The following H6PD variants were observed in gnomAD, a reference collection of about 807,000 sequenced individuals.
The protein encoded by H6PD is hexose-6-phosphate dehydrogenase/glucose 1-dehydrogenase.
Under a neutral mutation model 61.2 loss-of-function variants are expected in H6PD, and 48 were observed. The ratio of observed to expected loss-of-function variants is 0.78; its 90% CI spans 0.62 to 1.00. The LOEUF (loss-of-function observed/expected upper bound fraction) is 1.00. Ranked by LOEUF, H6PD falls within the 50% of genes least tolerant of loss-of-function variation. The pLI is 0.00. For synonymous variants in H6PD, 480 were observed against 457.9 expected (o/e 1.05, Z -0.62); for missense variants, 1,093 against 1,065.0 (o/e 1.03, Z -0.37).
At position 9,239,897 on chromosome 1, in the gene H6PD, G is replaced by A. The variant is rs543161528; in HGVS notation, c.-11+4831G>A. 1.5e-5 allele frequency: 12 copies of A among 787,788 alleles called. No homozygotes were observed. In the East Asian group the frequency reaches 2.0e-4, roughly 13 times the overall value. 48.8% of individuals were successfully genotyped at this position (787,788 alleles called of 1,614,324 possible). A position where few individuals can be genotyped will look rare whatever the true frequency, so the allele number is the denominator to read the frequency against. On this transcript the variant is annotated intron_variant, in intron 1 of 4. Transcript: ENST00000377403. The stretch of plus-strand genomic sequence containing the variant: ...CAGCACAGGCTGGGTCTGCTGTGCC[G>A]GGTCTGTATGGGGACAGCTGCACGC...
intron 4 of H6PD, among the ~76,000 whole-genome samples, chr1:9,262,943 T>C (rs1240246188): frequency 1.3e-5 from 2 of 152,192 alleles, no homozygotes; most frequent in Non-Finnish European, 2.9e-5. Flanking sequence ...GTCGTCAGAA[T>C]GAACCAGGCT....
In H6PD at chr1:9,263,829, T is replaced by G. The variant is rs773962051; in HGVS notation, c.1336T>G (p.Tyr446Asp). ...CCTTTTCGGCAGCCCTCTGTCCGAT[T>G]ACTACGCCTACAGCCCTGTGCGGGA... is the stretch of plus-strand genomic sequence containing the variant. ...LRLFGSPLSD[Y>D]YAYSPVRERD... The change falls in exon 5 of 5, where the codon TAC becomes GAC. Residue 446 changes from tyrosine (Y) to aspartate (D), a missense_variant. By Grantham distance (160) the Tyr-to-Asp change is radical. Coordinates refer to ENST00000377403, the MANE Select transcript of H6PD (RefSeq NM_004285.4). 1 of 1,613,964 alleles carries G rather than the reference T, an allele frequency of 6.2e-7. No homozygotes were observed.
Position 9,265,208 on chromosome 1 carries a change from CAAG to C in H6PD, c.*341_*343del. ...GATGGCGCCCAAACTCCGGCGTTCA[CAAG>C]AGGAGACGTGACGTGGTGGGCTGAG... On this transcript the variant is annotated 3_prime_UTR_variant, in exon 5 of 5. Transcript: ENST00000377403. The C allele has an allele frequency of 2.4e-6, 1 of 415,682 alleles. No homozygotes were observed. Among genetic ancestry groups the C allele is most frequent in the South Asian group, 2.1e-5 (1 of 46,674 alleles). The allele number at this position is 415,682 out of a possible 1,614,324, so 25.7% of individuals were successfully genotyped here.
intron 1 of H6PD, chr1:9,242,712 C>T (rs899320269): frequency 2.1e-5 from 21 of 985,352 alleles, no homozygotes; most frequent in Non-Finnish European, 2.5e-5. Flanking sequence ...GGCTTAGCTC[C>T]TCCCTTTGTA....
In H6PD at chr1:9,262,213, G is replaced by A. The variant is rs750439880; in HGVS notation, c.900G>A (p.Leu300=). 7 of 1,614,066 alleles carry A rather than the reference G, an allele frequency of 4.3e-6. No individual in the cohort carries two copies. The highest frequency in any genetic ancestry group is 5.9e-6 in the Non-Finnish European group (7 of 1,179,950). ...ACAAGCTTCAGGTCTTCCAGGCGCTGCGGGGCCTGCAGAGGGGCAGTGCCG... is the reference window on the plus strand; with the variant it reads ...ACAAGCTTCAGGTCTTCCAGGCGCTACGGGGCCTGCAGAGGGGCAGTGCCG... The part of the protein sequence containing the change: ...LRHKLQVFQA[L]RGLQRGSAVV... The change falls in exon 4 of 5, where the codon CTG becomes CTA. Residue 300 remains leucine (L), a synonymous_variant. Coordinates refer to ENST00000377403, the MANE Select transcript of H6PD (RefSeq NM_004285.4).
chr1:9,264,726 C>T lies in H6PD; in HGVS notation c.2233C>T (p.Leu745=). 1.9e-6 allele frequency: 3 copies of T among 1,613,332 alleles called. No individual in the cohort carries two copies. Among genetic ancestry groups the T allele is most frequent in the Non-Finnish European group, 2.5e-6 (3 of 1,180,022 alleles). Residue 745 remains leucine (L), a synonymous_variant, in exon 5 of 5, where the codon CTG becomes TTG. Transcript: ENST00000377403. ...LINRAKKVAV[L]VMGRMKREIT... ...CAACCGCGCCAAGAAGGTGGCAGTCCTGGTCATGGGCAGGATGAAGCGTGA... is the reference window on the plus strand; with the variant it reads ...CAACCGCGCCAAGAAGGTGGCAGTCTTGGTCATGGGCAGGATGAAGCGTGA...
intron 3 of H6PD, among the ~76,000 whole-genome samples, chr1:9,260,394 C>T (rs1641685144): frequency 1.3e-5 from 2 of 150,828 alleles, no homozygotes; most frequent in Non-Finnish European, 3.0e-5. Flanking sequence ...TGTTATGTTG[C>T]TGTTGTTACG....
At chr1:9,251,454 T>C (rs1194491181) in intron 3 of H6PD, among the ~76,000 whole-genome samples, 1 of 151,478 alleles carries the variant, frequency 6.6e-6, no homozygotes, top group Non-Finnish European at 1.5e-5. Flanking sequence ...GTTGTTGTTG[T>C]TGTTGTTGTT....
intron 3 of H6PD, among the ~76,000 whole-genome samples, 163 bp downstream of exon 3, chr1:9,247,246 G>A (rs1052603315): frequency 0.056 from 3 of 54 alleles, no homozygotes; most frequent in Middle Eastern, 0.5. Flanking sequence ...CCAGGGTGCC[G>A]GCTGCAAAGC....
At chr1:9,259,468 T>C (rs1557746804) in intron 3 of H6PD, among the ~76,000 whole-genome samples, 1 of 152,320 alleles carries the variant, frequency 6.6e-6, no homozygotes, top group South Asian at 2.1e-4. Flanking sequence ...TGTTATGTTG[T>C]TATGCTGGTG....
At chr1:9,255,480 C>T (rs1442365309) in intron 3 of H6PD, among the ~76,000 whole-genome samples, 2 of 151,912 alleles carry the variant, frequency 1.3e-5, no homozygotes, top group East Asian at 3.9e-4. Flanking sequence ...TGGGGTTTTG[C>T]CATGTTGCCT....
chr1:9,244,816 AAC>A (rs1641109673), intron 1 of H6PD, 107 bp from the exon 2 acceptor site: 5 of 1,020,966 alleles, frequency 4.9e-6, no homozygotes, highest in Middle Eastern at 2.9e-4. Context: ...TTTCTTAAGA[AAC>A]ACGTGGTGGT....
At position 9,265,199 on chromosome 1, in the gene H6PD, C is replaced by T. The variant is rs865877887; in HGVS notation, c.*330C>T. 3.5e-5 allele frequency: 15 copies of T among 432,688 alleles called. No homozygotes were observed. The highest frequency in any genetic ancestry group is 1.6e-4 in the African/African-American group (8 of 49,806). The allele number at this position is 432,688 out of a possible 1,614,324, so 26.8% of individuals were successfully genotyped here. ...ACAACACGGGATGGCGCCCAAACTC[C>T]GGCGTTCACAAGAGGAGACGTGACG... is the stretch of plus-strand genomic sequence containing the variant. On this transcript the variant is annotated 3_prime_UTR_variant, in exon 5 of 5. Coordinates refer to ENST00000377403, the MANE Select transcript of H6PD (RefSeq NM_004285.4).
At chr1:9,240,154 C>T in intron 1 of H6PD, 1 of 425,846 alleles carries the variant, frequency 2.3e-6, no homozygotes, top group Non-Finnish European at 4.0e-6. Flanking sequence ...AGGCCTTTTC[C>T]ACCTCCCTAC....
intron 1 of H6PD, chr1:9,242,524 A>G: frequency 2.0e-6 from 2 of 980,012 alleles, no homozygotes; most frequent in Non-Finnish European, 1.2e-6. Context: ...GGGGACCCAC[A>G]ACAGGACTGG....
In H6PD at chr1:9,259,619, G is replaced by A. The variant is rs551142867; in HGVS notation, c.746-2440G>A. Among the ~76,000 whole-genome samples, 9 of 152,224 alleles carry A rather than the reference G, an allele frequency of 5.9e-5. 1 individual carries two copies. The South Asian group carries it at 1.9e-3, about 32-fold the overall frequency. On this transcript the variant is annotated intron_variant, in intron 3 of 4. Coordinates refer to ENST00000377403, the MANE Select transcript of H6PD (RefSeq NM_004285.4). ...GTTGTTACGTTGCTGTTACAATGGT[G>A]TTATATTGCTGTTATTAAGCTGGTG...
rs774925320 is a variant in H6PD at position 9,254,125 on chromosome 1, A to C, written c.745+7042A>C. On this transcript the variant is annotated intron_variant, in intron 3 of 4. Transcript: ENST00000377403. The surrounding 1 kb of genome is among the most constrained non-coding windows in gnomAD (Gnocchi z 4.6). The stretch of plus-strand genomic sequence containing the variant: ...AATCCCAGCACTTTGGGAGGCCGAG[A>C]CGGGTGGATCACTTGAGGTCAGGCG... Among the ~76,000 whole-genome samples the C allele has an allele frequency of 3.9e-5, 6 of 152,104 alleles. No homozygotes were observed. The highest frequency in any genetic ancestry group is 8.8e-5 in the Non-Finnish European group (6 of 68,012).
chr1:9,257,835 G>T lies in H6PD; in HGVS notation c.746-4224G>T, dbSNP rs150222471. The stretch of plus-strand genomic sequence containing the variant: ...GAAATGATGGCTCCTCGTGTCTGAG[G>T]CCAGGCTCTCTCTGTAGGTGAGGGT... On this transcript the variant is annotated intron_variant, in intron 3 of 4. Coordinates refer to ENST00000377403, the MANE Select transcript of H6PD (RefSeq NM_004285.4). Among the ~76,000 whole-genome samples the T allele has an allele frequency of 4.3e-4, 66 of 152,364 alleles. 1 individual carries two copies. The highest frequency in any genetic ancestry group is 1.5e-3 in the African/African-American group (64 of 41,580).
rs758465845 is a variant in H6PD at position 9,264,413 on chromosome 1, G to C, written c.1920G>C (p.Leu640=). 2 of 1,612,968 alleles carry C rather than the reference G, an allele frequency of 1.2e-6. No individual in the cohort carries two copies. The highest frequency in any genetic ancestry group is 3.3e-5 in the Admixed American group (2 of 60,030). The stretch of plus-strand genomic sequence containing the variant: ...ACTTCCAGGGCCTGCAGGCCCACCT[G>C]CTGCAGCACGTCCGGATCCCCTACT... ...ESNFQGLQAH[L]LQHVRIPYYN... Residue 640 remains leucine (L), a synonymous_variant, in exon 5 of 5, where the codon CTG becomes CTC. Coordinates refer to ENST00000377403, the MANE Select transcript of H6PD (RefSeq NM_004285.4).
Sources: allele counts gnomAD v4.1 joint callset (sites outside exome capture counted in the v4.1 genomes callset), GRCh38; gene constraint gnomAD v4.1.1; non-coding constraint Gnocchi (gnomAD v3.1); transcripts MANE v1.5; gene names NCBI Gene and HGNC (gene_info 2026-07-23, HGNC 2026-07-21).